Variants in THADA observed in about 807,000 individuals in gnomAD.
THADA encodes tRNA (32-2'-O)-methyltransferase regulator THADA.
Under a neutral mutation model 219.8 loss-of-function variants are expected in THADA, and 213 were observed. That is an observed-to-expected ratio of 0.97 (90% confidence interval 0.87 to 1.09). The LOEUF is 1.09. THADA is among the 50% of genes least tolerant of loss of function. THADA has a pLI of 0.00. For missense variants in THADA, 2,956 were observed against 2,311.3 expected, an observed-to-expected ratio of 1.28 and a Z score of -5.72; for synonymous variants, 1,018 against 828.9, an observed-to-expected ratio of 1.23 and a Z score of -3.92.
intron 29 of THADA, among the ~76,000 whole-genome samples, chr2:43,383,589 T>C (rs1042100012): frequency 1.3e-5 from 2 of 152,218 alleles, no homozygotes; most frequent in Non-Finnish European, 2.9e-5. Flanking sequence ...TCTGAATTAG[T>C]ACTTAAACAT....
intron 31 of THADA, among the ~76,000 whole-genome samples, chr2:43,307,269 T>C (rs1040916417): frequency 1.3e-5 from 2 of 152,274 alleles, no homozygotes; most frequent in Admixed American, 1.3e-4. Flanking sequence ...CTTGGCTCAG[T>C]TGAAACGATG....
intron 3 of THADA, 37 bp downstream of exon 3, chr2:43,591,915 C>T (rs1200358960): frequency 1.4e-6 from 2 of 1,383,350 alleles, no homozygotes. Flanking sequence ...GCATGATACT[C>T]TTAAAGATGC....
Position 43,230,958 on chromosome 2 carries a change from G to T in THADA, c.5852C>A (p.Ala1951Glu), listed in dbSNP as rs114015985. 6.2e-7 allele frequency: 1 copy of T among 1,604,152 alleles called. No individual in the cohort carries two copies. The highest frequency in any genetic ancestry group is 1.7e-5 in the Admixed American group (1 of 59,526). The part of the protein sequence containing the change: ...SRQLTLPRTE[A>E]AC ...TCCCCCAGATTTTCTTCAACATGCCGCTTCTGTTCTTGGAAGAGTTAACTG... is the reference window on the plus strand; with the variant it reads ...TCCCCCAGATTTTCTTCAACATGCCTCTTCTGTTCTTGGAAGAGTTAACTG... The change falls in exon 38 of 38, where the codon GCG becomes GAG. Residue 1951 changes from alanine (A) to glutamate (E), a missense_variant. Coordinates refer to ENST00000405975, the MANE Select transcript of THADA (RefSeq NM_022065.5).
intron 26 of THADA, among the ~76,000 whole-genome samples, chr2:43,466,094 G>A (rs1684197630): frequency 6.6e-6 from 1 of 152,024 alleles, no homozygotes; most frequent in Non-Finnish European, 1.5e-5. Flanking sequence ...TTTCCAACCT[G>A]AACTCATGCT....
At chr2:43,300,725 A>G (rs1468490727) in intron 31 of THADA, among the ~76,000 whole-genome samples, 1 of 152,172 alleles carries the variant, frequency 6.6e-6, no homozygotes, top group East Asian at 1.9e-4. Context: ...GAGAGGTTAG[A>G]CCTAGAGCCA....
At chr2:43,253,609 G>C (rs112248161) in intron 36 of THADA, among the ~76,000 whole-genome samples, 1 of 151,990 alleles carries the variant, frequency 6.6e-6, no homozygotes, top group Non-Finnish European at 1.5e-5. Context: ...ATGGGTCTTC[G>C]TTATTCCCTT....
intron 14 of THADA, among the ~76,000 whole-genome samples, chr2:43,569,679 G>GT (rs1269857093): frequency 1.3e-5 from 2 of 152,050 alleles, no homozygotes; most frequent in African/African-American, 2.4e-5. Flanking sequence ...TAGTTCAAAC[G>GT]TATCATTAAT....
chr2:43,297,696 G>C (rs1181911819), intron 31 of THADA, among the ~76,000 whole-genome samples: 1 of 121,984 alleles, frequency 8.2e-6, no homozygotes, highest in East Asian at 2.2e-4. Flanking sequence ...CCCTCAGCCC[G>C]GCCAGCCACC....
intron 8 of THADA, 70 bp from the exon 9 acceptor site, chr2:43,578,677 G>T: frequency 1.8e-6 from 2 of 1,141,580 alleles, no homozygotes; most frequent in Non-Finnish European, 2.5e-6. Context: ...AAGAGCAGAT[G>T]CTGAGCAGCC....
intron 4 of THADA, 36 bp downstream of exon 4, chr2:43,590,788 T>A (rs1366946492): frequency 6.2e-7 from 1 of 1,604,770 alleles, no homozygotes; most frequent in Non-Finnish European, 8.5e-7. Flanking sequence ...AAATTCAACA[T>A]TTATAACACC....
intron 26 of THADA, among the ~76,000 whole-genome samples, chr2:43,470,340 C>T (rs1684764819): frequency 6.6e-6 from 1 of 151,920 alleles, no homozygotes; most frequent in Non-Finnish European, 1.5e-5. Flanking sequence ...AATAACCCTA[C>T]ACATTAAAAC....
intron 8 of THADA, among the ~76,000 whole-genome samples, chr2:43,579,580 C>T (rs2104077506): frequency 6.6e-6 from 1 of 152,302 alleles, no homozygotes; most frequent in East Asian, 1.9e-4. Context: ...TTGGGGAAGC[C>T]ACATGCCCAG....
intron 29 of THADA, among the ~76,000 whole-genome samples, chr2:43,393,972 G>A (rs991885954): frequency 6.6e-6 from 1 of 152,142 alleles, no homozygotes; most frequent in Non-Finnish European, 1.5e-5. Flanking sequence ...ATGATTTCTT[G>A]AGAGTGATAA....
chr2:43,428,290 CT>C (rs1208049127), intron 27 of THADA, 59 bp from the exon 28 acceptor site: 1 of 1,476,700 alleles, frequency 6.8e-7, no homozygotes, highest in East Asian at 2.5e-5. Flanking sequence ...AGCACTCCTC[CT>C]TCAAACATTT....
chr2:43,394,246 G>A (rs1419321396), intron 29 of THADA, among the ~76,000 whole-genome samples: 2 of 152,096 alleles, frequency 1.3e-5, no homozygotes, highest in Non-Finnish European at 1.5e-5. Context: ...TTTTTAAAAC[G>A]ATTAAGAAAT....
intron 31 of THADA, among the ~76,000 whole-genome samples, chr2:43,295,918 G>GTTTTT (rs35182242): frequency 1.6e-5 from 2 of 128,364 alleles, no homozygotes; most frequent in Non-Finnish European, 1.6e-5. Flanking sequence ...AACCTCTACT[G>GTTTTT]TTTTTTTTTT....
intron 30 of THADA, among the ~76,000 whole-genome samples, chr2:43,341,305 C>A (rs1667037383): frequency 6.6e-6 from 1 of 152,156 alleles, no homozygotes; most frequent in Non-Finnish European, 1.5e-5. Context: ...GTGATTCATT[C>A]CTTTGTCTTC....
At chr2:43,396,547 T>A (rs946716613) in intron 29 of THADA, among the ~76,000 whole-genome samples, 1 of 152,152 alleles carries the variant, frequency 6.6e-6, no homozygotes, top group African/African-American at 2.4e-5. Flanking sequence ...ATGTCCATAA[T>A]CCCAGCACTT....
At chr2:43,516,487 C>T (rs1040224913) in intron 22 of THADA, among the ~76,000 whole-genome samples, 1 of 152,132 alleles carries the variant, frequency 6.6e-6, no homozygotes, top group South Asian at 2.1e-4. Context: ...TTCTCTCTGC[C>T]GTGAATACTC....
Sources: allele counts gnomAD v4.1 joint callset (sites outside exome capture counted in the v4.1 genomes callset), GRCh38; gene constraint gnomAD v4.1.1; transcripts MANE v1.5; gene names NCBI Gene and HGNC (gene_info 2026-07-23, HGNC 2026-07-21).